SPATA13: variants seen among roughly 807,000 people sequenced by gnomAD.
The protein encoded by SPATA13 is spermatogenesis associated 13, also known as spermatogenesis-associated protein 13.
In SPATA13, 50 loss-of-function variants were observed where a neutral mutation model predicts 104.0. That is an observed-to-expected ratio of 0.48 (90% confidence interval 0.38 to 0.61). The LOEUF (loss-of-function observed/expected upper bound fraction) is 0.61. Ranked by LOEUF, SPATA13 falls within the 20% of genes least tolerant of loss-of-function variation. SPATA13 has a pLI of 0.00. For missense variants in SPATA13, 1,524 were observed against 1,690.6 expected (o/e 0.90, Z 1.73); for synonymous variants, 606 against 667.5 (o/e 0.91, Z 1.42).
chr13:24,029,134 A>G (rs1877363092), intron 3 of SPATA13, among the ~76,000 whole-genome samples: 1 of 152,080 alleles, frequency 6.6e-6, no homozygotes, highest in African/African-American at 2.4e-5. Context: ...GTGTTGTCCA[A>G]GCTGAACTTA....
At chr13:24,241,243 G>T (rs1364481070) in intron 2 of SPATA13, among the ~76,000 whole-genome samples, 1 of 152,182 alleles carries the variant, frequency 6.6e-6, no homozygotes, top group Non-Finnish European at 1.5e-5. Context: ...CCCAGTAAAT[G>T]ATGTTTCTAC....
intron 3 of SPATA13, among the ~76,000 whole-genome samples, chr13:24,155,049 G>C (rs988414758): frequency 6.6e-6 from 1 of 151,996 alleles, no homozygotes; most frequent in African/African-American, 2.4e-5. Context: ...CTAGAGCCAG[G>C]GTTTCACCAT....
At chr13:24,029,332 G>T (rs1170146831) in intron 3 of SPATA13, among the ~76,000 whole-genome samples, 3 of 151,932 alleles carry the variant, frequency 2.0e-5, no homozygotes, top group African/African-American at 7.3e-5. Flanking sequence ...GTACAAATTT[G>T]GATCTATTTA....
intron 3 of SPATA13, among the ~76,000 whole-genome samples, chr13:24,095,680 T>C (rs1274658316): frequency 2.0e-5 from 3 of 152,216 alleles, no homozygotes; most frequent in Non-Finnish European, 4.4e-5. Flanking sequence ...TTCTCTTCTA[T>C]GTGGATGCAA....
intron 2 of SPATA13, among the ~76,000 whole-genome samples, chr13:23,992,323 T>A (rs1566064610): frequency 6.6e-6 from 1 of 152,224 alleles, no homozygotes; most frequent in Non-Finnish European, 1.5e-5. Flanking sequence ...TATAAGGTTG[T>A]TGTGAAAATT....
intron 3 of SPATA13, among the ~76,000 whole-genome samples, chr13:24,068,273 C>T (rs760747481): frequency 6.6e-6 from 1 of 152,144 alleles, no homozygotes; most frequent in African/African-American, 2.4e-5. Flanking sequence ...GTTTTCTGTT[C>T]CTGCTAGTTT....
chr13:24,113,982 T>C (rs1040177511), intron 3 of SPATA13, among the ~76,000 whole-genome samples: 4 of 152,020 alleles, frequency 2.6e-5, no homozygotes, highest in Non-Finnish European at 5.9e-5. Flanking sequence ...TCCGTGGTTA[T>C]GGGTTTGATC....
At chr13:24,081,810 C>T in intron 3 of SPATA13, among the ~76,000 whole-genome samples, 1 of 152,210 alleles carries the variant, frequency 6.6e-6, no homozygotes, top group East Asian at 1.9e-4. Context: ...CCATTTTTCA[C>T]CATTTTTCTC....
intron 12 of SPATA13, among the ~76,000 whole-genome samples, chr13:24,301,906 C>A (rs1286028420): frequency 2.0e-5 from 3 of 152,232 alleles, no homozygotes; most frequent in African/African-American, 7.2e-5. Flanking sequence ...ATTTAATTCT[C>A]ATAGCAACCC....
At position 24,205,406 on chromosome 13, in the gene SPATA13, G is replaced by A. The variant is rs904230490; in HGVS notation, c.-111-17413G>A. ...CAAGAGAAGTGAAGGACCTCTTCAA[G>A]GAGAATTACAAACCACTGCTCAAAG... On this transcript the variant is annotated intron_variant, in intron 1 of 12. Transcript: ENST00000382108. The surrounding 1 kb of genome is among the most constrained non-coding windows in gnomAD (Gnocchi z 4.1). Among the ~76,000 whole-genome samples the A allele has an allele frequency of 6.6e-6, 1 of 152,074 alleles. No individual in the cohort carries two copies. Among genetic ancestry groups the A allele is most frequent in the African/African-American group, 2.4e-5 (1 of 41,406 alleles).
intron 3 of SPATA13, among the ~76,000 whole-genome samples, chr13:24,066,721 A>G (rs1208387467): frequency 6.6e-6 from 1 of 151,852 alleles, no homozygotes; most frequent in Admixed American, 6.6e-5. Flanking sequence ...ACTCTTTCAA[A>G]CAAGACTCTG....
At chr13:24,122,582 T>A in intron 3 of SPATA13, 1 of 1,536,472 alleles carries the variant, frequency 6.5e-7, no homozygotes, top group South Asian at 1.1e-5. Context: ...CTAACAATTT[T>A]GTTGCATGAC....
At chr13:24,151,282 G>A (rs1449556403) in intron 3 of SPATA13, among the ~76,000 whole-genome samples, 1 of 152,216 alleles carries the variant, frequency 6.6e-6, no homozygotes, top group African/African-American at 2.4e-5. Flanking sequence ...ATCTTGGTCT[G>A]AATCCTTGCT....
chr13:24,058,080 C>A (rs796223072), intron 3 of SPATA13, among the ~76,000 whole-genome samples: 1 of 151,830 alleles, frequency 6.6e-6, no homozygotes, highest in South Asian at 2.1e-4. Flanking sequence ...GCTGTGGCCC[C>A]ACACCTGATC....
chr13:24,097,074 C>T (rs527288882), intron 3 of SPATA13, among the ~76,000 whole-genome samples: 16 of 152,256 alleles, frequency 1.1e-4, no homozygotes, highest in African/African-American at 2.9e-4. Context: ...CCGGCTGAAA[C>T]GGTGCCAGTG....
At chr13:23,985,103 A>C (rs764874921) in intron 2 of SPATA13, among the ~76,000 whole-genome samples, 41 of 152,162 alleles carry the variant, frequency 2.7e-4, no homozygotes, top group Non-Finnish European at 5.1e-4. Context: ...GAGGGAAAAC[A>C]GTTGTTCTGG....
intron 3 of SPATA13, among the ~76,000 whole-genome samples, chr13:24,055,496 G>A (rs1050383863): frequency 1.3e-5 from 2 of 152,158 alleles, no homozygotes; most frequent in African/African-American, 4.8e-5. Context: ...ACATGCAGAG[G>A]TCTTAGAACA....
intron 3 of SPATA13, among the ~76,000 whole-genome samples, chr13:24,025,822 T>C (rs1422444050): frequency 6.6e-6 from 1 of 151,860 alleles, no homozygotes; most frequent in Non-Finnish European, 1.5e-5. Flanking sequence ...TCTTTTTTTT[T>C]TTTTTGAGAC....
chr13:24,170,877 C>G (rs74041904), intron 1 of SPATA13, among the ~76,000 whole-genome samples: 1,649 of 152,050 alleles, frequency 0.011, 29 homozygotes, highest in African/African-American at 0.034. Context: ...TTATATGATT[C>G]GTTGTTGGGA....
Sources: allele counts gnomAD v4.1 joint callset (sites outside exome capture counted in the v4.1 genomes callset), GRCh38; gene constraint gnomAD v4.1.1; non-coding constraint Gnocchi (gnomAD v3.1); transcripts MANE v1.5; gene names NCBI Gene and HGNC (gene_info 2026-07-23, HGNC 2026-07-21).